The following MECOM variants were observed in gnomAD, a reference collection of about 807,000 sequenced individuals.
MECOM encodes MDS1 and EVI1 complex locus, also known as histone-lysine N-methyltransferase MECOM.
MECOM carries 13 observed loss-of-function variants against 116.3 expected under a neutral mutation model. The observed-to-expected ratio is 0.11, with a 90% CI of 0.07 to 0.18. The LOEUF (loss-of-function observed/expected upper bound fraction) is 0.18. Ranked by LOEUF, MECOM falls within the 10% of genes least tolerant of loss-of-function variation. The pLI is 1.00. For missense variants in MECOM, 1,299 were observed against 1,509.0 expected (o/e 0.86, Z 2.31); for synonymous variants, 528 against 535.2 (o/e 0.99, Z 0.19).
At chr3:169,262,594 T>C (rs993924055) in intron 2 of MECOM, among the ~76,000 whole-genome samples, 3 of 152,152 alleles carry the variant, frequency 2.0e-5, no homozygotes, top group African/African-American at 7.2e-5. Flanking sequence ...GAGTCTGTGA[T>C]TCTTCTCCAT....
At chr3:169,244,028 A>G (rs1755234877) in intron 2 of MECOM, among the ~76,000 whole-genome samples, 1 of 152,202 alleles carries the variant, frequency 6.6e-6, no homozygotes, top group Non-Finnish European at 1.5e-5. Context: ...GGGATATTTC[A>G]GTCCCAGCAG....
intron 1 of MECOM, among the ~76,000 whole-genome samples, chr3:169,459,375 G>A (rs1237719490): frequency 6.6e-6 from 1 of 152,176 alleles, no homozygotes; most frequent in East Asian, 1.9e-4. Flanking sequence ...CATCTGGGTT[G>A]TTTCAAGTTT....
chr3:169,472,011 A>G (rs375526979), intron 1 of MECOM, among the ~76,000 whole-genome samples: 1 of 152,132 alleles, frequency 6.6e-6, no homozygotes, highest in East Asian at 1.9e-4. Flanking sequence ...GAATTCTAAA[A>G]TATAACAAAA....
chr3:169,330,357 A>T (rs183093517), intron 2 of MECOM, among the ~76,000 whole-genome samples: 1 of 152,298 alleles, frequency 6.6e-6, no homozygotes, highest in Non-Finnish European at 1.5e-5. Flanking sequence ...ATTAGGAATT[A>T]ACTGGACAAA....
At chr3:169,158,093 C>A (rs187322225) in intron 2 of MECOM, among the ~76,000 whole-genome samples, 1 of 152,000 alleles carries the variant, frequency 6.6e-6, no homozygotes, top group Non-Finnish European at 1.5e-5. Context: ...CAAGAGCTGG[C>A]GAGGTTCAAA....
At chr3:169,509,860 T>G (rs1316574502) in intron 1 of MECOM, among the ~76,000 whole-genome samples, 1 of 152,226 alleles carries the variant, frequency 6.6e-6, no homozygotes, top group Non-Finnish European at 1.5e-5. Flanking sequence ...TTTCTCTGCC[T>G]GCTTTGCGAT....
chr3:169,135,392 A>G (rs1280702469), intron 3 of MECOM, among the ~76,000 whole-genome samples: 2 of 152,016 alleles, frequency 1.3e-5, no homozygotes, highest in Non-Finnish European at 2.9e-5. Context: ...TAATATGAAA[A>G]GGTTGTTCAT....
intron 13 of MECOM, among the ~76,000 whole-genome samples, chr3:169,093,446 G>A (rs2148877448): frequency 6.6e-6 from 1 of 152,276 alleles, no homozygotes; most frequent in Non-Finnish European, 1.5e-5. Context: ...GTTTTAAATA[G>A]ATTCTGCCAA....
At chr3:169,456,879 C>A (rs1312945010) in intron 1 of MECOM, among the ~76,000 whole-genome samples, 1 of 152,194 alleles carries the variant, frequency 6.6e-6, no homozygotes, top group African/African-American at 2.4e-5. Context: ...CACACATGTT[C>A]TCGCCGGGTG....
At chr3:169,223,470 C>CT (rs1269951299) in intron 2 of MECOM, among the ~76,000 whole-genome samples, 1 of 151,522 alleles carries the variant, frequency 6.6e-6, no homozygotes, top group African/African-American at 2.4e-5. Flanking sequence ...TGAACTCATC[C>CT]TTTTTTATGG....
chr3:169,167,190 T>C (rs972074382), intron 2 of MECOM, among the ~76,000 whole-genome samples: 7 of 152,098 alleles, frequency 4.6e-5, no homozygotes, highest in Admixed American at 4.6e-4. Flanking sequence ...GTTGCCTAGG[T>C]TGTTATTTAT....
At chr3:169,203,278 G>A (rs935702301) in intron 2 of MECOM, among the ~76,000 whole-genome samples, 16 of 152,036 alleles carry the variant, frequency 1.1e-4, no homozygotes, top group African/African-American at 3.4e-4. Context: ...GGACTCCCTC[G>A]GCTAAATGCA....
intron 1 of MECOM, among the ~76,000 whole-genome samples, chr3:169,558,223 C>T (rs1326935534): frequency 2.0e-5 from 3 of 152,122 alleles, no homozygotes; most frequent in African/African-American, 7.2e-5. Flanking sequence ...TATGACTAGG[C>T]ATTCAGCAGA....
chr3:169,219,154 C>T (rs1389742058), intron 2 of MECOM, among the ~76,000 whole-genome samples: 1 of 152,142 alleles, frequency 6.6e-6, no homozygotes. Flanking sequence ...GACAGAGGTA[C>T]TTAGCTTTTT....
intron 1 of MECOM, among the ~76,000 whole-genome samples, chr3:169,599,279 G>T (rs909117382): frequency 4.6e-5 from 7 of 152,150 alleles, no homozygotes; most frequent in African/African-American, 1.2e-4. Flanking sequence ...ACTTTGGAAG[G>T]CCGAGGCGGG....
intron 2 of MECOM, among the ~76,000 whole-genome samples, chr3:169,334,274 G>A (rs1414020641): frequency 6.6e-6 from 1 of 152,134 alleles, no homozygotes; most frequent in Non-Finnish European, 1.5e-5. Flanking sequence ...AAATTGTACA[G>A]AAAGAGGCAA....
chr3:169,116,575 A>G lies in MECOM; in HGVS notation c.1297T>C (p.Phe433Leu), dbSNP rs758244383. 5 of 1,614,078 alleles carry G rather than the reference A, an allele frequency of 3.1e-6. No homozygotes were observed. The highest frequency in any genetic ancestry group is 2.7e-5 in the African/African-American group (2 of 74,924). The change falls in exon 8 of 17, where the codon TTT becomes CTT. Residue 433 changes from phenylalanine to leucine, a missense_variant. By Grantham distance (22) the Phe-to-Leu change is conservative. This residue lies in a region of MECOM where 238 missense variants were observed against 273.1 expected (regional missense o/e 0.87). Transcript: ENST00000651503. ...HRRFCEGKNH[F>L]AAGGFFGQGI... The stretch of plus-strand genomic sequence containing the variant: ...TGGCCAAAAAATCCACCTGCCGCAA[A>G]ATGGTTCTTGCCCTCACAAAACCTC...
intron 2 of MECOM, among the ~76,000 whole-genome samples, chr3:169,166,005 C>A (rs1467718789): frequency 6.6e-6 from 1 of 152,086 alleles, no homozygotes; most frequent in East Asian, 1.9e-4. Flanking sequence ...CTATGTCTAT[C>A]ATGAATTCCA....
At chr3:169,286,680 T>C (rs1393726058) in intron 2 of MECOM, among the ~76,000 whole-genome samples, 1 of 152,182 alleles carries the variant, frequency 6.6e-6, no homozygotes, top group Admixed American at 6.6e-5. Context: ...ATGATCAACG[T>C]ATTAGGTTGT....
Sources: allele counts gnomAD v4.1 joint callset (sites outside exome capture counted in the v4.1 genomes callset), GRCh38; gene constraint gnomAD v4.1.1; regional missense constraint gnomAD v4.1.1; transcripts MANE v1.5; gene names NCBI Gene and HGNC (gene_info 2026-07-23, HGNC 2026-07-21).